GCNT2: variants seen among roughly 807,000 people sequenced by gnomAD.
GCNT2 encodes the protein glucosaminyl (N-acetyl) transferase 2 (I blood group).
GCNT2 carries 34 observed loss-of-function variants against 34.2 expected under a neutral mutation model. The ratio of observed to expected loss-of-function variants is 1.00; its 90% confidence interval spans 0.76 to 1.32. GCNT2 has a LOEUF of 1.32. Among genes scored for constraint, GCNT2 ranks in the 40% most tolerant of loss-of-function variants. GCNT2 has a pLI of 0.00. For missense variants in GCNT2, 584 were observed against 489.4 expected (o/e 1.19, Z -1.82); for synonymous variants, 212 against 188.0 (o/e 1.13, Z -1.04).
chr6:10,600,557 C>G (rs924197580), intron 3 of GCNT2, among the ~76,000 whole-genome samples: 16 of 152,256 alleles, frequency 1.1e-4, no homozygotes, highest in South Asian at 4.2e-4. Context: ...ACCCCTACCC[C>G]CAGTGTCCCC....
intron 3 of GCNT2, among the ~76,000 whole-genome samples, chr6:10,590,319 A>C (rs1216934161): frequency 6.6e-6 from 1 of 151,782 alleles, no homozygotes; most frequent in Non-Finnish European, 1.5e-5. Flanking sequence ...GGATTGCTTA[A>C]GCCTGAAAAA....
chr6:10,528,362 C>T (rs563596394), intron 2 of GCNT2: 2 of 169,416 alleles, frequency 1.2e-5, no homozygotes, highest in East Asian at 1.5e-4. Context: ...TAGAATATCT[C>T]TCCAGGCAGT....
chr6:10,568,668 T>G (rs923439313), intron 3 of GCNT2, among the ~76,000 whole-genome samples: 1 of 152,208 alleles, frequency 6.6e-6, no homozygotes, highest in Non-Finnish European at 1.5e-5. Flanking sequence ...AGGTTGGATG[T>G]CAAAATCTCC....
chr6:10,563,777 AATATAT>A (rs70991026), intron 3 of GCNT2, among the ~76,000 whole-genome samples: 345 of 24,600 alleles, frequency 0.014, 4 homozygotes, highest in Middle Eastern at 0.031. Flanking sequence ...AAAAAAAAAA[AATATAT>A]ATATATATAT....
chr6:10,527,737 T>G (rs1414404807), intron 2 of GCNT2, 77 bp downstream of exon 2: 1 of 148,782 alleles, frequency 6.7e-6, no homozygotes, highest in Non-Finnish European at 1.5e-5. Context: ...GTGAACGGAC[T>G]TCTTGTTTAG....
intron 3 of GCNT2, among the ~76,000 whole-genome samples, chr6:10,572,242 GA>G (rs200299970): frequency 4.6e-5 from 7 of 151,620 alleles, no homozygotes; most frequent in South Asian, 4.2e-4. Context: ...CAATAACCTG[GA>G]AAAAAAATGA....
intron 3 of GCNT2, among the ~76,000 whole-genome samples, chr6:10,612,031 G>A (rs544379946): frequency 6.6e-6 from 1 of 151,918 alleles, no homozygotes; most frequent in East Asian, 1.9e-4. Flanking sequence ...CTGTTGCCCA[G>A]GCTGAAGTGC....
At chr6:10,556,613 C>CT in intron 3 of GCNT2, 1 of 1,614,118 alleles carries the variant, frequency 6.2e-7, no homozygotes, top group Non-Finnish European at 8.5e-7. Context: ...GAAAAACAAA[C>CT]TAATGATCCA....
At chr6:10,523,313 C>G (rs1761012251) in intron 1 of GCNT2, among the ~76,000 whole-genome samples, 1 of 151,882 alleles carries the variant, frequency 6.6e-6, no homozygotes, top group African/African-American at 2.4e-5. Flanking sequence ...GTAACCCCAG[C>G]TGCTCGGGAG....
At chr6:10,610,972 G>T (rs1211257980) in intron 3 of GCNT2, among the ~76,000 whole-genome samples, 3 of 152,126 alleles carry the variant, frequency 2.0e-5, no homozygotes, top group African/African-American at 7.2e-5. Context: ...TGGCAGTTAT[G>T]CGAGATGAGT....
intron 3 of GCNT2, among the ~76,000 whole-genome samples, chr6:10,539,180 CTTTTT>C (rs71548847): frequency 4.1e-4 from 27 of 65,304 alleles, no homozygotes; most frequent in African/African-American, 6.2e-4. Context: ...CTCACCGTCT[CTTTTT>C]TTTTTTTTTT....
intron 3 of GCNT2, 121 bp downstream of exon 3, chr6:10,529,957 T>A (rs1481008704): frequency 3.6e-6 from 3 of 837,038 alleles, no homozygotes; most frequent in Admixed American, 4.9e-5. Flanking sequence ...AAATGTCAAA[T>A]TAAAAAAAAA....
At chr6:10,572,103 C>A (rs1314244517) in intron 3 of GCNT2, among the ~76,000 whole-genome samples, 2 of 151,800 alleles carry the variant, frequency 1.3e-5, no homozygotes, top group Non-Finnish European at 2.9e-5. Context: ...CTGGGAAACC[C>A]CTCAGCTCTG....
chr6:10,529,493 CT>C lies in GCNT2; in HGVS notation c.585del (p.Leu197Ter), dbSNP rs1198815799. The C allele has an allele frequency of 1.1e-5, 17 of 1,614,094 alleles. No individual in the cohort carries two copies. Among genetic ancestry groups the C allele is most frequent in the Non-Finnish European group, 1.4e-5 (17 of 1,179,974 alleles). Reference protein sequence around the residue: ...KYVINTCGQDFPLKTNREIVQ... With the variant: ...KYVINTCGQDXPLKTNREIVQ... The stretch of plus-strand genomic sequence containing the variant: ...ATGTCATCAACACCTGCGGGCAAGA[CT>C]TTCCCCTGAAAACCAACAGGGAAAT... On this transcript the variant is annotated frameshift_variant, in exon 3 of 5. Coordinates refer to ENST00000495262, the MANE Select transcript of GCNT2 (RefSeq NM_145649.5). LOFTEE classifies it high-confidence loss of function.
Position 10,574,861 on chromosome 6 carries a change from C to G in GCNT2, c.925+45025C>G, listed in dbSNP as rs139470336. On this transcript the variant is annotated intron_variant, in intron 3 of 4. Transcript: ENST00000495262. ...CTGGCGCTTCAGTTGAACCCAGGCA[C>G]CTTTCTCTTTGTCTTCTTTCTTTTT... 3.8e-4 allele frequency: 260 copies of G among 693,172 alleles called. 1 individual carries two copies. The African/African-American group carries it at 3.9e-3, about 10-fold the overall frequency. 42.9% of individuals were successfully genotyped at this position (693,172 alleles called of 1,614,324 possible). A position where few individuals can be genotyped will look rare whatever the true frequency, so the allele number is the denominator to read the frequency against.
chr6:10,540,718 TGGAGAAAA>T (rs1762002993), intron 3 of GCNT2, among the ~76,000 whole-genome samples: 1 of 152,204 alleles, frequency 6.6e-6, no homozygotes, highest in African/African-American at 2.4e-5. Flanking sequence ...TCTCTACAAG[TGGAGAAAA>T]TTCCCCTTCA....
chr6:10,609,098 A>G (rs1765444975), intron 3 of GCNT2, among the ~76,000 whole-genome samples: 1 of 152,144 alleles, frequency 6.6e-6, no homozygotes, highest in Non-Finnish European at 1.5e-5. Flanking sequence ...CTACCAATCA[A>G]ATGTGGTTTA....
rs753474204 is a variant in GCNT2 at position 10,592,749 on chromosome 6, GTTTA to G, written c.926-28594_926-28591del. 8.2e-4 allele frequency among the ~76,000 whole-genome samples: 124 copies of G among 151,666 alleles called. 1 individual carries two copies. The highest frequency in any genetic ancestry group is 2.1e-3 in the South Asian group (10 of 4,726). Reference sequence around the variant, plus strand: ...TTTTTATTTGTTTGTTTGTTTGTTTGTTTATTTATTTGAGACAGAGTACCACTCT... The same window carrying G: ...TTTTTATTTGTTTGTTTGTTTGTTTGTTTATTTGAGACAGAGTACCACTCT... On this transcript the variant is annotated intron_variant, in intron 3 of 4. Transcript: ENST00000495262.
At position 10,529,165 on chromosome 6, in the gene GCNT2, C is replaced by G; in HGVS notation, c.254C>G (p.Thr85Arg). Residue 85 changes from threonine (T) to arginine (R), a missense_variant, in exon 3 of 5, where the codon ACA (threonine) becomes AGA (arginine). Physicochemically the swap from Thr to Arg is moderately conservative, Grantham distance 71 (BLOSUM62 -1). Coordinates refer to ENST00000495262, the MANE Select transcript of GCNT2 (RefSeq NM_145649.5). Reference protein sequence around the residue: ...YEYMVRSHYVTETLSEEEAGF... With the variant: ...YEYMVRSHYVRETLSEEEAGF... The stretch of plus-strand genomic sequence containing the variant: ...TACATGGTTCGAAGCCACTATGTAA[C>G]AGAAACACTCTCTGAAGAAGAGGCT... 1 of 1,614,126 alleles carries G rather than the reference C, an allele frequency of 6.2e-7. No homozygotes were observed. Among genetic ancestry groups the G allele is most frequent in the Non-Finnish European group, 8.5e-7 (1 of 1,179,986 alleles).
Sources: gnomAD v4.1 joint callset for allele counts (sites outside exome capture counted in the v4.1 genomes callset) on GRCh38, gnomAD v4.1.1 for gene constraint, MANE v1.5 for transcripts, NCBI Gene and HGNC (gene_info 2026-07-23, HGNC 2026-07-21) for gene names.